The following GRIN3A variants were observed in gnomAD, a reference collection of about 807,000 sequenced individuals.
GRIN3A encodes the protein glutamate ionotropic receptor NMDA type subunit 3A.
A neutral mutation model predicts 92.4 loss-of-function variants in GRIN3A; 47 were observed. The ratio of observed to expected loss-of-function variants is 0.51; its 90% CI spans 0.40 to 0.65. The LOEUF (loss-of-function observed/expected upper bound fraction) is 0.65, where lower values mean the gene tolerates loss of function less well. Ranked by LOEUF, GRIN3A falls within the 30% of genes least tolerant of loss-of-function variation. GRIN3A has a pLI of 0.00. For synonymous variants in GRIN3A, 527 were observed against 540.6 expected (o/e 0.97, Z 0.35); for missense variants, 1,324 against 1,393.1 (o/e 0.95, Z 0.79).
intron 7 of GRIN3A, among the ~76,000 whole-genome samples, chr9:101,578,123 A>G (rs986083247): frequency 6.6e-6 from 1 of 152,246 alleles, no homozygotes; most frequent in Non-Finnish European, 1.5e-5. Context: ...AGGCACAATC[A>G]TAACTAATGT....
At chr9:101,723,072 G>T (rs980199147) in intron 1 of GRIN3A, among the ~76,000 whole-genome samples, 10 of 152,164 alleles carry the variant, frequency 6.6e-5, no homozygotes, top group Admixed American at 6.5e-4. Context: ...CACGCAGGGG[G>T]AGGTAATTGA....
At chr9:101,689,809 C>T (rs1283453770) in intron 1 of GRIN3A, among the ~76,000 whole-genome samples, 1 of 151,334 alleles carries the variant, frequency 6.6e-6, no homozygotes, top group Non-Finnish European at 1.5e-5. Context: ...AAAATTCAAG[C>T]CTGATAGTAA....
At chr9:101,578,285 C>G (rs998259575) in intron 7 of GRIN3A, among the ~76,000 whole-genome samples, 2 of 151,856 alleles carry the variant, frequency 1.3e-5, no homozygotes, top group Non-Finnish European at 2.9e-5. Context: ...CCTAGAAGAC[C>G]AAATACTTCC....
intron 1 of GRIN3A, among the ~76,000 whole-genome samples, chr9:101,708,005 C>T (rs186460191): frequency 6.6e-6 from 1 of 152,046 alleles, no homozygotes; most frequent in Admixed American, 6.6e-5. Context: ...AAAGAGAACT[C>T]CTCATTGCAA....
At chr9:101,702,626 C>T (rs1829770182) in intron 1 of GRIN3A, among the ~76,000 whole-genome samples, 1 of 152,174 alleles carries the variant, frequency 6.6e-6, no homozygotes, top group Non-Finnish European at 1.5e-5. Context: ...TGCACTCTCA[C>T]TAAATTTAGA....
chr9:101,643,654 G>GTC (rs74810886), intron 3 of GRIN3A, among the ~76,000 whole-genome samples: 285 of 147,126 alleles, frequency 1.9e-3, no homozygotes, highest in South Asian at 0.012. Context: ...CAACCTAAAT[G>GTC]TCTCTCTCTC....
chr9:101,650,752 T>C (rs13296742), intron 3 of GRIN3A, among the ~76,000 whole-genome samples: 29,390 of 151,982 alleles, frequency 0.19, 3,204 homozygotes, highest in Non-Finnish European at 0.25. Flanking sequence ...TCAGCACTCA[T>C]GTCATTTGGT....
chr9:101,601,671 C>T (rs889376893), intron 6 of GRIN3A, among the ~76,000 whole-genome samples: 21 of 152,154 alleles, frequency 1.4e-4, no homozygotes, highest in African/African-American at 4.1e-4. Context: ...CTTCCTAGCT[C>T]CTGGTGGTTT....
rs1367685876 is a variant in GRIN3A at position 101,738,002 on chromosome 9, G to A, written c.-23C>T. ...CATTACTGAGACCCGCAGGGAGAAA[G>A]CGCGCCCCCTCCTGCGCCCGGCTCG... On this transcript the variant is annotated 5_prime_UTR_variant, in exon 1 of 9. Coordinates refer to ENST00000361820, the MANE Select transcript of GRIN3A (RefSeq NM_133445.3). 7 of 1,525,858 alleles carry A rather than the reference G, an allele frequency of 4.6e-6. No individual in the cohort carries two copies. In the East Asian group the frequency reaches 1.5e-4, roughly 32 times the overall value. The allele number at this position is 1,525,858 out of a possible 1,614,324, so 94.5% of individuals were successfully genotyped here.
At chr9:101,600,527 G>C (rs1482315906) in intron 6 of GRIN3A, among the ~76,000 whole-genome samples, 2 of 152,168 alleles carry the variant, frequency 1.3e-5, no homozygotes, top group African/African-American at 2.4e-5. Flanking sequence ...TACCAGGAGA[G>C]TTTGGACAAC....
At chr9:101,719,291 C>G (rs777887686) in intron 1 of GRIN3A, among the ~76,000 whole-genome samples, 6 of 151,908 alleles carry the variant, frequency 3.9e-5, no homozygotes, top group Non-Finnish European at 8.8e-5. Flanking sequence ...TGGTGGCATG[C>G]GCCTGTAATT....
intron 1 of GRIN3A, among the ~76,000 whole-genome samples, chr9:101,718,015 C>T (rs1538167): frequency 3.3e-5 from 5 of 152,212 alleles, no homozygotes; most frequent in African/African-American, 1.2e-4. Context: ...TGAGGACCCT[C>T]TTTCACAGGG....
chr9:101,737,241 G>A (rs762080490), intron 1 of GRIN3A, 40 bp downstream of exon 1: 4 of 1,558,158 alleles, frequency 2.6e-6, no homozygotes, highest in Non-Finnish European at 3.5e-6. Flanking sequence ...CCGGCCCCCA[G>A]CAGCGCCCAT....
chr9:101,703,892 C>T (rs116360978), intron 1 of GRIN3A, among the ~76,000 whole-genome samples: 2,008 of 152,290 alleles, frequency 0.013, 42 homozygotes, highest in African/African-American at 0.047. Flanking sequence ...CTCCCTCTGC[C>T]TCCACTACTG....
chr9:101,669,849 C>T (rs1208904968), intron 3 of GRIN3A, among the ~76,000 whole-genome samples: 1 of 151,976 alleles, frequency 6.6e-6, no homozygotes, highest in African/African-American at 2.4e-5. Context: ...AAAGACACTC[C>T]CCAAAACTTC....
intron 6 of GRIN3A, among the ~76,000 whole-genome samples, chr9:101,590,346 C>CTATTTATT (rs35611429): frequency 2.2e-3 from 314 of 143,416 alleles, no homozygotes; most frequent in Non-Finnish European, 2.7e-3. Flanking sequence ...TAATGACACT[C>CTATTTATT]TATTTATTTA....
chr9:101,626,938 C>T (rs367792041), intron 4 of GRIN3A, among the ~76,000 whole-genome samples: 2 of 152,186 alleles, frequency 1.3e-5, no homozygotes, highest in South Asian at 2.1e-4. Context: ...GTGCTGGGCA[C>T]GTGGGCCTTC....
chr9:101,681,601 A>G (rs1829466478), intron 2 of GRIN3A, among the ~76,000 whole-genome samples: 1 of 152,156 alleles, frequency 6.6e-6, no homozygotes, highest in Admixed American at 6.5e-5. Flanking sequence ...ACCCCTTTTC[A>G]TTTACAGGAT....
At chr9:101,672,984 T>C (rs1321493289) in intron 2 of GRIN3A, among the ~76,000 whole-genome samples, 3 of 152,140 alleles carry the variant, frequency 2.0e-5, no homozygotes, top group African/African-American at 7.2e-5. Context: ...AAATCTACTT[T>C]TAGATTTGTT....
Sources: gnomAD v4.1 joint callset for allele counts (sites outside exome capture counted in the v4.1 genomes callset) on GRCh38, gnomAD v4.1.1 for gene constraint, MANE v1.5 for transcripts, NCBI Gene and HGNC (gene_info 2026-07-23, HGNC 2026-07-21) for gene names.